ZNRF2: variants seen among roughly 807,000 people sequenced by gnomAD.
The protein encoded by ZNRF2 is zinc and ring finger 2.
In ZNRF2, 16 loss-of-function variants were observed where a neutral mutation model predicts 20.4. The observed-to-expected ratio is 0.79, with a 90% CI of 0.53 to 1.19. ZNRF2 has a LOEUF of 1.19. ZNRF2 is among the 50% of genes most tolerant of loss of function. The probability of loss-of-function intolerance (pLI) is 0.00; values close to 1 mark genes in which losing one functional copy is unlikely to be tolerated. For synonymous variants in ZNRF2, 178 were observed against 144.9 expected (o/e 1.23, Z -1.64); for missense variants, 363 against 332.4 (o/e 1.09, Z -0.72).
chr7:30,345,380 AT>A (rs1178437015), intron 2 of ZNRF2, among the ~76,000 whole-genome samples: 1 of 151,010 alleles, frequency 6.6e-6, no homozygotes, highest in African/African-American at 2.4e-5. Flanking sequence ...TCATCCTTGT[AT>A]GTGCTTTTGG....
rs1463258530 is a variant in ZNRF2, at chr7:30,295,070, T to A, written c.469+9244T>A. Among the ~76,000 whole-genome samples the A allele has an allele frequency of 6.3e-4, 89 of 141,776 alleles. 3 individuals carry two copies. The highest frequency in any genetic ancestry group is 1.8e-3 in the African/African-American group (62 of 35,054). 93.0% of individuals were successfully genotyped at this position (141,776 alleles called of 152,430 possible). A position where few individuals can be genotyped will look rare whatever the true frequency, so the allele number is the denominator to read the frequency against. Reference sequence around the variant, plus strand: ...GAGAGAGTGTGTGTGTGTGTGTGTGTGTGTGTGTGTGTGTGTGTGTGTGTG... The same window carrying A: ...GAGAGAGTGTGTGTGTGTGTGTGTGAGTGTGTGTGTGTGTGTGTGTGTGTG... On this transcript the variant is annotated intron_variant, in intron 1 of 4. Coordinates refer to ENST00000323037, the MANE Select transcript of ZNRF2 (RefSeq NM_147128.4).
intron 2 of ZNRF2, among the ~76,000 whole-genome samples, chr7:30,343,713 TA>T (rs1322311491): frequency 6.6e-6 from 1 of 151,984 alleles, no homozygotes; most frequent in African/African-American, 2.4e-5. Context: ...ATTTCCTGAA[TA>T]TTTTTTGTTT....
intron 1 of ZNRF2, among the ~76,000 whole-genome samples, chr7:30,315,736 G>GC (rs1383495335): frequency 3.2e-5 from 3 of 94,704 alleles, no homozygotes; most frequent in Admixed American, 1.3e-4. Context: ...GCGGGGGGGG[G>GC]GGGGTTGGGT....
chr7:30,362,482 A>G, intron 4 of ZNRF2, 26 bp downstream of exon 4: 1 of 1,444,344 alleles, frequency 6.9e-7, no homozygotes, highest in Non-Finnish European at 9.6e-7. Flanking sequence ...ATTACTTTTT[A>G]AAGCGTTAGC....
chr7:30,319,080 C>G (rs1430888500), intron 1 of ZNRF2, among the ~76,000 whole-genome samples: 1 of 151,758 alleles, frequency 6.6e-6, no homozygotes, highest in Admixed American at 6.6e-5. Flanking sequence ...CCACTTCACT[C>G]CAGCCTGGGT....
In ZNRF2 at chr7:30,284,897, C is replaced by G; in HGVS notation, c.-461C>G. 4.1e-6 allele frequency: 1 copy of G among 242,302 alleles called. No homozygotes were observed. Among genetic ancestry groups the G allele is most frequent in the Non-Finnish European group, 8.5e-6 (1 of 118,222 alleles). 15.0% of individuals were successfully genotyped at this position (242,302 alleles called of 1,614,324 possible). ...CCCGGCGGAGTCTGGGCGGGCGCCT[C>G]CCACTCAGCCGCCAGCCGCCGTGGG... On this transcript the variant is annotated 5_prime_UTR_variant, in exon 1 of 5. Transcript: ENST00000323037.
At chr7:30,356,712 T>G (rs1414808897) in intron 3 of ZNRF2, among the ~76,000 whole-genome samples, 1 of 142,204 alleles carries the variant, frequency 7.0e-6, no homozygotes, top group African/African-American at 2.6e-5. Context: ...TTTTTTTTTT[T>G]TTTTTTTTTT....
At chr7:30,330,699 C>T (rs1374964774) in intron 2 of ZNRF2, among the ~76,000 whole-genome samples, 1 of 152,010 alleles carries the variant, frequency 6.6e-6, no homozygotes, top group African/African-American at 2.4e-5. Context: ...AGATTCTCCC[C>T]TCAAAACACA....
chr7:30,367,120 G>C lies in ZNRF2; in HGVS notation c.*1108G>C, dbSNP rs553558244. On this transcript the variant is annotated 3_prime_UTR_variant, in exon 5 of 5. Coordinates refer to ENST00000323037, the MANE Select transcript of ZNRF2 (RefSeq NM_147128.4). ...AGCAATTTGCAACTTTAATTTTCCA[G>C]ATAATCTGGAGGTTAGCATTTGATA... The C allele has an allele frequency of 6.6e-6, 1 of 152,616 alleles. No individual in the cohort carries two copies. Among genetic ancestry groups the C allele is most frequent in the East Asian group, 1.9e-4 (1 of 5,186 alleles). 9.5% of individuals were successfully genotyped at this position (152,616 alleles called of 1,614,324 possible).
intron 1 of ZNRF2, among the ~76,000 whole-genome samples, chr7:30,299,374 G>A (rs1437591428): frequency 5.3e-5 from 8 of 151,034 alleles, no homozygotes; most frequent in East Asian, 1.9e-4. Flanking sequence ...AGTTGAAATC[G>A]CGCCATGGCA....
chr7:30,292,050 C>G (rs778217552), intron 1 of ZNRF2, among the ~76,000 whole-genome samples: 10 of 152,028 alleles, frequency 6.6e-5, no homozygotes, highest in Non-Finnish European at 1.5e-4. Flanking sequence ...CCAGAAATAA[C>G]TGTTAATGTC....
intron 3 of ZNRF2, 101 bp from the exon 4 acceptor site, chr7:30,362,276 T>C: frequency 1.4e-6 from 1 of 701,192 alleles, no homozygotes; most frequent in South Asian, 3.0e-5. Context: ...CTCATTTTTT[T>C]CTGTAAAAAA....
At chr7:30,322,568 T>G (rs920401477) in intron 1 of ZNRF2, among the ~76,000 whole-genome samples, 2 of 152,204 alleles carry the variant, frequency 1.3e-5, no homozygotes, top group African/African-American at 4.8e-5. Context: ...TGAGCCGTCA[T>G]GGACACCACT....
intron 2 of ZNRF2, among the ~76,000 whole-genome samples, chr7:30,330,565 A>G (rs1314567623): frequency 7.9e-5 from 12 of 152,154 alleles, no homozygotes; most frequent in East Asian, 3.8e-4. Context: ...CCTGTCTAAC[A>G]TGTTTGCAGG....
At chr7:30,350,324 T>C (rs1799943891) in intron 2 of ZNRF2, among the ~76,000 whole-genome samples, 1 of 152,028 alleles carries the variant, frequency 6.6e-6, no homozygotes, top group African/African-American at 2.4e-5. Flanking sequence ...TTTTATTTCC[T>C]CCTAAAGAAT....
At chr7:30,351,301 C>T (rs529940809) in intron 2 of ZNRF2, among the ~76,000 whole-genome samples, 8 of 152,016 alleles carry the variant, frequency 5.3e-5, no homozygotes, top group African/African-American at 1.9e-4. Flanking sequence ...TTCAGTTTCT[C>T]AGTTGCACAG....
At chr7:30,359,186 A>G (rs1800085691) in intron 3 of ZNRF2, among the ~76,000 whole-genome samples, 4 of 152,216 alleles carry the variant, frequency 2.6e-5, no homozygotes, top group African/African-American at 7.2e-5. Flanking sequence ...TGGTGAGGAA[A>G]GAAAATCGTG....
chr7:30,331,114 T>G (rs1170886820), intron 2 of ZNRF2, among the ~76,000 whole-genome samples: 1 of 152,126 alleles, frequency 6.6e-6, no homozygotes, highest in Non-Finnish European at 1.5e-5. Context: ...TCAAAGTTGG[T>G]GATATCCCAG....
At chr7:30,296,075 A>G (rs936491000) in intron 1 of ZNRF2, among the ~76,000 whole-genome samples, 2 of 152,204 alleles carry the variant, frequency 1.3e-5, no homozygotes, top group Admixed American at 6.5e-5. Context: ...ATGTTTCCCA[A>G]AATGTATTTG....
Sources: allele counts gnomAD v4.1 joint callset (sites outside exome capture counted in the v4.1 genomes callset), GRCh38; gene constraint gnomAD v4.1.1; transcripts MANE v1.5; gene names NCBI Gene and HGNC (gene_info 2026-07-23, HGNC 2026-07-21).